Variants in MIER1 observed in about 807,000 individuals in gnomAD.
MIER1 encodes mesoderm induction early response protein 1.
MIER1 carries 40 observed loss-of-function variants against 75.7 expected under a neutral mutation model. That is an observed-to-expected ratio of 0.53 (90% CI 0.41 to 0.69). The LOEUF is 0.69. Among genes scored for constraint, MIER1 ranks in the 30% least tolerant of loss-of-function variants. The probability of loss-of-function intolerance (pLI) is 0.00; values close to 1 mark genes in which losing one functional copy is unlikely to be tolerated. For synonymous variants in MIER1, 213 were observed against 223.4 expected, an observed-to-expected ratio of 0.95 and a Z score of 0.42; for missense variants, 574 against 680.2, an observed-to-expected ratio of 0.84 and a Z score of 1.74.
At chr1:66,977,773 T>G (rs547860345) in intron 12 of MIER1, among the ~76,000 whole-genome samples, 65 of 152,228 alleles carry the variant, frequency 4.3e-4, no homozygotes, top group Admixed American at 2.4e-3. Flanking sequence ...TACAGTGCTA[T>G]CCTTAATTAT....
rs879064448 is a variant in MIER1 at position 66,930,485 on chromosome 1, G to T, written c.168+4243G>T. The stretch of plus-strand genomic sequence containing the variant: ...GGAGGAGTGGAGTGGGCCTGGCCAG[G>T]AGAGGCCCGGCCCTGCTGGCGCCGC... On this transcript the variant is annotated intron_variant, in intron 2 of 13. Transcript: ENST00000401041. 1.5e-5 allele frequency: 21 copies of T among 1,411,226 alleles called. No individual in the cohort carries two copies. In the South Asian group the frequency reaches 2.5e-4, roughly 17 times the overall value. The allele number at this position is 1,411,226 out of a possible 1,614,324, so 87.4% of individuals were successfully genotyped here.
At position 66,971,722 on chromosome 1, in the gene MIER1, TA is replaced by T; in HGVS notation, c.996del (p.Ala333GlnfsTer21). 1.3e-6 allele frequency: 2 copies of T among 1,484,412 alleles called. No individual in the cohort carries two copies. Among genetic ancestry groups the T allele is most frequent in the Non-Finnish European group, 9.3e-7 (1 of 1,074,126 alleles). The allele number at this position is 1,484,412 out of a possible 1,614,324, so 92.0% of individuals were successfully genotyped here. A position where few individuals can be genotyped will look rare whatever the true frequency, so the allele number is the denominator to read the frequency against. ...GCATTGAGAAGATTAAGATTTAATG[TA>T]AAAGCAGCTAGAGGTAAGTATAGTT... ...EEALRRLRFN[V>X]KAAREELSVW... On this transcript the variant is annotated frameshift_variant, in exon 10 of 14. Transcript: ENST00000401041. LOFTEE classifies it high-confidence loss of function.
chr1:66,940,272 T>TTC (rs1449455694), intron 3 of MIER1: 402 of 22,356 alleles, frequency 0.018, no homozygotes, highest in Non-Finnish European at 0.025. Context: ...TGGGTTTTCT[T>TTC]TTTTTTTTTT....
intron 13 of MIER1, among the ~76,000 whole-genome samples, chr1:66,983,574 C>G (rs770134070): frequency 6.6e-6 from 1 of 152,112 alleles, no homozygotes; most frequent in Non-Finnish European, 1.5e-5. Flanking sequence ...TTACTTTTCT[C>G]ACCTACTATA....
intron 7 of MIER1, among the ~76,000 whole-genome samples, chr1:66,960,243 A>C (rs1661000054): frequency 6.6e-6 from 1 of 152,150 alleles, no homozygotes; most frequent in African/African-American, 2.4e-5. Context: ...TCATATTGCA[A>C]GTTTTTCATT....
chr1:66,937,101 A>G (rs1488709549), intron 2 of MIER1, among the ~76,000 whole-genome samples: 2 of 152,050 alleles, frequency 1.3e-5, no homozygotes, highest in Non-Finnish European at 2.9e-5. Context: ...TAGAAGGTAC[A>G]AAAGGACACT....
intron 8 of MIER1, among the ~76,000 whole-genome samples, chr1:66,965,217 AT>A (rs1366166540): frequency 6.6e-6 from 1 of 152,100 alleles, no homozygotes; most frequent in Non-Finnish European, 1.5e-5. Flanking sequence ...TTTTGTATTT[AT>A]TTTTGTAATT....
intron 4 of MIER1, among the ~76,000 whole-genome samples, chr1:66,954,945 G>A (rs923090554): frequency 1.3e-5 from 2 of 152,264 alleles, no homozygotes; most frequent in East Asian, 1.9e-4. Flanking sequence ...CTGACCTCAA[G>A]TGTTCTGCCA....
At chr1:66,973,267 C>G (rs1664067984) in intron 11 of MIER1, among the ~76,000 whole-genome samples, 1 of 152,010 alleles carries the variant, frequency 6.6e-6, no homozygotes. Flanking sequence ...TGTGTATGTG[C>G]AATGCAATTC....
chr1:66,985,263 G>C lies in MIER1; in HGVS notation c.*363G>C, dbSNP rs1157754220. 1 of 976,142 alleles carries C rather than the reference G, an allele frequency of 1.0e-6. No individual in the cohort carries two copies. The highest frequency in any genetic ancestry group is 1.2e-6 in the Non-Finnish European group (1 of 821,484). The allele number at this position is 976,142 out of a possible 1,614,324, so 60.5% of individuals were successfully genotyped here. A position where few individuals can be genotyped will look rare whatever the true frequency, so the allele number is the denominator to read the frequency against. On this transcript the variant is annotated 3_prime_UTR_variant, in exon 14 of 14. Transcript: ENST00000401041. ...TATTAATCATAAAATTTCACTACAA[G>C]GTAATTTTTGCTTAGTTTGATGGAT...
intron 8 of MIER1, among the ~76,000 whole-genome samples, chr1:66,964,448 C>CTTTTTTTTTTTTTTT (rs71058483): frequency 4.2e-5 from 5 of 119,800 alleles, no homozygotes; most frequent in African/African-American, 1.6e-4. Context: ...TGTATGTTTC[C>CTTTTTTTTTTTTTTT]TTTTTTTTTT....
intron 7 of MIER1, among the ~76,000 whole-genome samples, chr1:66,960,352 C>A (rs1394330650): frequency 6.6e-6 from 1 of 152,050 alleles, no homozygotes; most frequent in African/African-American, 2.4e-5. Context: ...GATTTGGCTT[C>A]TTCGTAACTA....
intron 12 of MIER1, 65 bp downstream of exon 12, chr1:66,976,787 G>T: frequency 7.6e-7 from 1 of 1,312,240 alleles, no homozygotes; most frequent in Non-Finnish European, 1.0e-6. Flanking sequence ...GATTTTTCTT[G>T]AGTTAATTAT....
rs557718071 is a variant in MIER1 at position 66,931,622 on chromosome 1, C to A, written c.168+5380C>A. Among the ~76,000 whole-genome samples, 11 of 151,822 alleles carry A rather than the reference C, an allele frequency of 7.2e-5. No homozygotes were observed. In the South Asian group the frequency reaches 2.3e-3, roughly 32 times the overall value. ...CTCTAATTTACAACTAAATTTAGAT[C>A]TTAGATTTATTTTCATTTCTTTTGC... On this transcript the variant is annotated intron_variant, in intron 2 of 13. Transcript: ENST00000401041.
At chr1:66,938,564 G>C (rs1655461492) in intron 2 of MIER1, among the ~76,000 whole-genome samples, 1 of 152,180 alleles carries the variant, frequency 6.6e-6, no homozygotes, top group Non-Finnish European at 1.5e-5. Context: ...ACTCCATTTT[G>C]AACCAGAAAT....
chr1:66,983,968 C>T (rs1328437183), intron 13 of MIER1, among the ~76,000 whole-genome samples: 1 of 152,202 alleles, frequency 6.6e-6, no homozygotes, highest in African/African-American at 2.4e-5. Context: ...TCATGATACA[C>T]CCGCCTTGGC....
chr1:66,974,068 G>A (rs982035662), intron 11 of MIER1, among the ~76,000 whole-genome samples: 4 of 151,530 alleles, frequency 2.6e-5, no homozygotes, highest in East Asian at 1.9e-4. Flanking sequence ...AAATTTTGTC[G>A]TGCATTAACT....
intron 4 of MIER1, among the ~76,000 whole-genome samples, chr1:66,955,586 G>C (rs146586192): frequency 7.2e-5 from 11 of 152,108 alleles, no homozygotes; most frequent in African/African-American, 2.7e-4. Context: ...ATAGAGCATG[G>C]CTATGTAATT....
At chr1:66,933,430 A>G (rs775236440) in intron 2 of MIER1, among the ~76,000 whole-genome samples, 2 of 152,052 alleles carry the variant, frequency 1.3e-5, no homozygotes, top group Non-Finnish European at 2.9e-5. Context: ...AAATTAATGG[A>G]TTTGCTTCTT....
Sources: allele counts gnomAD v4.1 joint callset (sites outside exome capture counted in the v4.1 genomes callset), GRCh38; gene constraint gnomAD v4.1.1; transcripts MANE v1.5; gene names NCBI Gene and HGNC (gene_info 2026-07-23, HGNC 2026-07-21).